Variants in PPM1E observed in about 807,000 individuals in gnomAD.
The protein encoded by PPM1E is protein phosphatase 1E.
A neutral mutation model predicts 65.9 loss-of-function variants in PPM1E; 20 were observed. That is an observed-to-expected ratio of 0.30 (90% confidence interval 0.21 to 0.44). PPM1E has a LOEUF of 0.44. PPM1E is among the 20% of genes least tolerant of loss of function. PPM1E has a pLI of 1.00. For synonymous variants in PPM1E, 352 were observed against 374.9 expected (o/e 0.94, Z 0.70); for missense variants, 713 against 953.1 (o/e 0.75, Z 3.32).
intron 1 of PPM1E, among the ~76,000 whole-genome samples, chr17:58,815,428 A>T (rs1261167148): frequency 6.6e-6 from 1 of 152,186 alleles, no homozygotes; most frequent in Non-Finnish European, 1.5e-5. Flanking sequence ...GGTACCCACG[A>T]CATAGTTTTT....
chr17:58,907,302 A>G (rs933637265), intron 1 of PPM1E, among the ~76,000 whole-genome samples: 10 of 152,130 alleles, frequency 6.6e-5, no homozygotes, highest in Admixed American at 3.9e-4. Flanking sequence ...GGATTTTCCA[A>G]TTATCTTTAT....
At chr17:58,921,925 A>G (rs1405193756) in intron 1 of PPM1E, among the ~76,000 whole-genome samples, 1 of 151,874 alleles carries the variant, frequency 6.6e-6, no homozygotes, top group Non-Finnish European at 1.5e-5. Flanking sequence ...CTGTAATCCC[A>G]GCTACTCGGG....
intron 2 of PPM1E, among the ~76,000 whole-genome samples, chr17:58,965,431 C>A (rs1410762010): frequency 1.3e-5 from 2 of 152,036 alleles, no homozygotes; most frequent in Admixed American, 6.6e-5. Context: ...GAAATCAAGC[C>A]AGGAATAGGT....
At chr17:58,768,818 T>A (rs2049907734) in intron 1 of PPM1E, among the ~76,000 whole-genome samples, 1 of 152,144 alleles carries the variant, frequency 6.6e-6, no homozygotes, top group Non-Finnish European at 1.5e-5. Context: ...TACAGGCATA[T>A]GCCACTATGT....
intron 1 of PPM1E, among the ~76,000 whole-genome samples, chr17:58,873,336 C>G (rs1233565534): frequency 6.6e-6 from 1 of 151,996 alleles, no homozygotes; most frequent in Non-Finnish European, 1.5e-5. Flanking sequence ...AAAGCAGAAT[C>G]TTTTCTTTGT....
intron 1 of PPM1E, among the ~76,000 whole-genome samples, chr17:58,860,946 G>GA (rs970239099): frequency 1.5e-4 from 23 of 150,010 alleles, no homozygotes; most frequent in Non-Finnish European, 2.4e-4. Flanking sequence ...TAAAAAAAAA[G>GA]AAAAAAAAAG....
At chr17:58,830,612 GTTA>G (rs1263276321) in intron 1 of PPM1E, among the ~76,000 whole-genome samples, 1 of 151,834 alleles carries the variant, frequency 6.6e-6, no homozygotes, top group African/African-American at 2.4e-5. Flanking sequence ...AGCCTTCAGT[GTTA>G]TTATTGAGAA....
At chr17:58,911,241 T>G (rs2051624437) in intron 1 of PPM1E, among the ~76,000 whole-genome samples, 1 of 152,240 alleles carries the variant, frequency 6.6e-6, no homozygotes, top group Admixed American at 6.5e-5. Flanking sequence ...TTTTGCAGTT[T>G]GCTTAGCTTT....
intron 1 of PPM1E, among the ~76,000 whole-genome samples, chr17:58,922,427 A>AT (rs960075011): frequency 8.3e-4 from 126 of 151,688 alleles, no homozygotes; most frequent in African/African-American, 2.9e-3. Context: ...TAATTTTTGT[A>AT]TTTTTTTGTA....
At chr17:58,970,718 G>C (rs550316580) in intron 4 of PPM1E, among the ~76,000 whole-genome samples, 35 of 152,122 alleles carry the variant, frequency 2.3e-4, no homozygotes, top group African/African-American at 7.9e-4. Context: ...GTAACCAGTA[G>C]AGTCCACACA....
chr17:58,758,440 A>G (rs1444245954), intron 1 of PPM1E, among the ~76,000 whole-genome samples: 1 of 151,972 alleles, frequency 6.6e-6, no homozygotes, highest in Non-Finnish European at 1.5e-5. Flanking sequence ...AGGCAGGAGA[A>G]TCGCTTGAAC....
chr17:58,809,305 T>C (rs2050343446), intron 1 of PPM1E, among the ~76,000 whole-genome samples: 1 of 152,108 alleles, frequency 6.6e-6, no homozygotes, highest in African/African-American at 2.4e-5. Context: ...CCCAGGCTGG[T>C]CTTGAACTCC....
At chr17:58,850,377 G>C (rs1442891179) in intron 1 of PPM1E, among the ~76,000 whole-genome samples, 1 of 152,190 alleles carries the variant, frequency 6.6e-6, no homozygotes. Context: ...CGCATCGATG[G>C]TCTTTACAAT....
intron 1 of PPM1E, among the ~76,000 whole-genome samples, chr17:58,815,129 A>G (rs1267785616): frequency 2.0e-5 from 3 of 152,228 alleles, no homozygotes; most frequent in Non-Finnish European, 4.4e-5. Flanking sequence ...AATAAAAACT[A>G]TCTTTTACCA....
At chr17:58,812,260 C>T (rs558043561) in intron 1 of PPM1E, among the ~76,000 whole-genome samples, 2 of 134,246 alleles carry the variant, frequency 1.5e-5, no homozygotes, top group South Asian at 2.3e-4. Context: ...GCCCACATTG[C>T]GCCACTGAAC....
intron 1 of PPM1E, among the ~76,000 whole-genome samples, chr17:58,798,234 T>G (rs182165652): frequency 3.9e-4 from 59 of 150,400 alleles, no homozygotes; most frequent in East Asian, 3.1e-3. Flanking sequence ...TTGTTTGTTT[T>G]TTTTTTTTTT....
chr17:58,868,144 G>A (rs901648353), intron 1 of PPM1E, among the ~76,000 whole-genome samples: 1 of 151,962 alleles, frequency 6.6e-6, no homozygotes, highest in Non-Finnish European at 1.5e-5. Flanking sequence ...AGCCTGGGCA[G>A]CAAGGCAAAA....
intron 1 of PPM1E, among the ~76,000 whole-genome samples, chr17:58,876,457 C>T (rs2051127648): frequency 6.6e-6 from 1 of 152,098 alleles, no homozygotes; most frequent in Non-Finnish European, 1.5e-5. Context: ...ATTCTACAAT[C>T]TGAGAGTGAT....
chr17:58,783,714 G>C (rs2050070563), intron 1 of PPM1E, among the ~76,000 whole-genome samples: 1 of 151,972 alleles, frequency 6.6e-6, no homozygotes, highest in Non-Finnish European at 1.5e-5. Context: ...TAGTGGTTTT[G>C]TTTGTTTTTT....
Sources: allele counts gnomAD v4.1 joint callset (sites outside exome capture counted in the v4.1 genomes callset), GRCh38; gene constraint gnomAD v4.1.1; transcripts MANE v1.5; gene names NCBI Gene and HGNC (gene_info 2026-07-23, HGNC 2026-07-21).